ATXN1: variants seen among roughly 807,000 people sequenced by gnomAD.
ATXN1 encodes ataxin-1.
A neutral mutation model predicts 56.4 loss-of-function variants in ATXN1; 8 were observed. The observed-to-expected ratio is 0.14, with a 90% confidence interval of 0.08 to 0.26. The LOEUF is 0.26. ATXN1 is among the 10% of genes least tolerant of loss of function. The pLI is 1.00. For missense variants in ATXN1, 987 were observed against 1,106.5 expected (o/e 0.89, Z 1.53); for synonymous variants, 514 against 494.6 (o/e 1.04, Z -0.52).
chr6:16,673,980 T>A (rs1758601147), intron 2 of ATXN1, among the ~76,000 whole-genome samples: 2 of 152,310 alleles, frequency 1.3e-5, no homozygotes, highest in South Asian at 4.2e-4. Context: ...TGACAGCATG[T>A]GGCAGTTAAT....
chr6:16,315,966 GCCA>G (rs1465263841), intron 7 of ATXN1, among the ~76,000 whole-genome samples: 1 of 152,152 alleles, frequency 6.6e-6, no homozygotes, highest in African/African-American at 2.4e-5. Flanking sequence ...ACAAGCATGA[GCCA>G]CCTAGCCTGG....
At chr6:16,712,635 G>C (rs1410523735) in intron 2 of ATXN1, among the ~76,000 whole-genome samples, 1 of 151,760 alleles carries the variant, frequency 6.6e-6, no homozygotes, top group Non-Finnish European at 1.5e-5. Context: ...TTCCTCCCTC[G>C]ACACCTCTGT....
chr6:16,426,909 G>A (rs1759169413), intron 6 of ATXN1, among the ~76,000 whole-genome samples: 2 of 150,506 alleles, frequency 1.3e-5, no homozygotes, highest in African/African-American at 4.9e-5. Flanking sequence ...AGGCAGGATC[G>A]AGATTAAAGT....
chr6:16,640,203 TC>T (rs1330301738), intron 3 of ATXN1, among the ~76,000 whole-genome samples: 1 of 152,158 alleles, frequency 6.6e-6, no homozygotes, highest in African/African-American at 2.4e-5. Context: ...CGCTGTTATA[TC>T]TGTTATGGTG....
Position 16,305,643 on chromosome 6 carries a change from T to G in ATXN1, c.*686A>C, listed in dbSNP as rs1267601594. On this transcript the variant is annotated 3_prime_UTR_variant, in exon 8 of 8. Coordinates refer to ENST00000436367, the MANE Select transcript of ATXN1 (RefSeq NM_001128164.2). ...GCAGTTGCTCTTTAAAAAAAATATA[T>G]ATCAGTGCAGTCAGGCCCCATAGGG... 6.6e-6 allele frequency: 1 copy of G among 152,650 alleles called. No individual in the cohort carries two copies. Among genetic ancestry groups the G allele is most frequent in the Non-Finnish European group, 1.5e-5 (1 of 68,046 alleles). 9.5% of individuals were successfully genotyped at this position (152,650 alleles called of 1,614,324 possible). A position where few individuals can be genotyped will look rare whatever the true frequency, so the allele number is the denominator to read the frequency against.
chr6:16,710,425 TG>T (rs994387225), intron 2 of ATXN1, among the ~76,000 whole-genome samples: 2 of 152,064 alleles, frequency 1.3e-5, no homozygotes, highest in African/African-American at 2.4e-5. Flanking sequence ...CAGGCTTTTT[TG>T]GGGGGTAGGG....
intron 3 of ATXN1, among the ~76,000 whole-genome samples, chr6:16,613,268 T>C (rs903639863): frequency 2.3e-5 from 2 of 88,368 alleles, no homozygotes; most frequent in African/African-American, 5.0e-5. Context: ...CGAGACTCCG[T>C]CTCAAAAAAA....
intron 2 of ATXN1, among the ~76,000 whole-genome samples, chr6:16,742,739 G>C (rs1177184122): frequency 6.6e-6 from 1 of 152,156 alleles, no homozygotes; most frequent in Non-Finnish European, 1.5e-5. Flanking sequence ...CAACTCAAAA[G>C]GGCACAGATA....
chr6:16,647,739 T>C (rs534517232), intron 3 of ATXN1, among the ~76,000 whole-genome samples: 3 of 152,344 alleles, frequency 2.0e-5, no homozygotes, highest in Admixed American at 1.3e-4. Flanking sequence ...CAAAGCATCG[T>C]GTTGTACACA....
At chr6:16,495,870 C>CAAA (rs35083248) in intron 5 of ATXN1, among the ~76,000 whole-genome samples, 2 of 106,828 alleles carry the variant, frequency 1.9e-5, no homozygotes, top group African/African-American at 3.6e-5. Context: ...CTCTCTCTCT[C>CAAA]AAAAAAAAAA....
At chr6:16,471,801 A>G (rs1760224902) in intron 6 of ATXN1, among the ~76,000 whole-genome samples, 1 of 152,134 alleles carries the variant, frequency 6.6e-6, no homozygotes, top group African/African-American at 2.4e-5. Flanking sequence ...GAATTAAGGT[A>G]GCCTATTTTT....
At chr6:16,691,726 A>C (rs1392467153) in intron 2 of ATXN1, among the ~76,000 whole-genome samples, 1 of 152,280 alleles carries the variant, frequency 6.6e-6, no homozygotes, top group East Asian at 1.9e-4. Context: ...AGCTCTAGGC[A>C]GTGTGTGGAC....
chr6:16,399,752 C>T (rs1025705144), intron 6 of ATXN1, among the ~76,000 whole-genome samples: 8 of 152,196 alleles, frequency 5.3e-5, no homozygotes, highest in Admixed American at 1.3e-4. Flanking sequence ...TGCTAAATTT[C>T]TCCCAATGCA....
chr6:16,729,873 A>G (rs1759929382), intron 2 of ATXN1, among the ~76,000 whole-genome samples: 1 of 152,226 alleles, frequency 6.6e-6, no homozygotes, highest in Non-Finnish European at 1.5e-5. Context: ...CTAAGTGCTT[A>G]GCAGTCTGTT....
rs547219335 is a variant in ATXN1, at chr6:16,693,236, A to G, written c.-614-35335T>C. 1.9e-3 allele frequency among the ~76,000 whole-genome samples: 289 copies of G among 152,348 alleles called. 1 individual carries two copies. The highest frequency in any genetic ancestry group is 6.6e-3 in the African/African-American group (275 of 41,578). ...TAGTATCCTTTGAAATACTAAAAAG[A>G]GCACTGAATTTGAAGTCCAGTGGTC... On this transcript the variant is annotated intron_variant, in intron 2 of 7. Coordinates refer to ENST00000436367, the MANE Select transcript of ATXN1 (RefSeq NM_001128164.2).
intron 4 of ATXN1, among the ~76,000 whole-genome samples, chr6:16,535,050 C>T (rs373908931): frequency 9.7e-4 from 148 of 152,334 alleles, no homozygotes; most frequent in African/African-American, 3.4e-3. Flanking sequence ...AGTTGACTGG[C>T]TGGGCTGCCT....
chr6:16,734,412 G>A (rs1470139240), intron 2 of ATXN1, among the ~76,000 whole-genome samples: 4 of 152,182 alleles, frequency 2.6e-5, no homozygotes, highest in Non-Finnish European at 5.9e-5. Context: ...AAGGAAGAAG[G>A]ATGAGAGATG....
At position 16,311,423 on chromosome 6, in the gene ATXN1, C is replaced by G. The variant is rs545646856; in HGVS notation, c.1918-4564G>C. On this transcript the variant is annotated intron_variant, in intron 7 of 7. Coordinates refer to ENST00000436367, the MANE Select transcript of ATXN1 (RefSeq NM_001128164.2). ...ATGAACTAAGCATTCCTGCTACCCC[C>G]CAACAGTGGTGAATATTGACTGAAA... is the stretch of plus-strand genomic sequence containing the variant. Among the ~76,000 whole-genome samples the G allele has an allele frequency of 7.9e-5, 12 of 152,192 alleles. No individual in the cohort carries two copies. In the East Asian group the frequency reaches 2.3e-3, roughly 29 times the overall value.
chr6:16,711,539 C>CAT (rs1215826523), intron 2 of ATXN1, among the ~76,000 whole-genome samples: 2 of 151,066 alleles, frequency 1.3e-5, no homozygotes, highest in African/African-American at 4.9e-5. Context: ...TATATATACA[C>CAT]ATATATATAC....
Sources: gnomAD v4.1 joint callset for allele counts (sites outside exome capture counted in the v4.1 genomes callset) on GRCh38, gnomAD v4.1.1 for gene constraint, MANE v1.5 for transcripts, NCBI Gene and HGNC (gene_info 2026-07-23, HGNC 2026-07-21) for gene names.